PLEKHA4: variants seen among roughly 807,000 people sequenced by gnomAD.
PLEKHA4 encodes the protein pleckstrin homology domain-containing family A member 4.
A neutral mutation model predicts 94.7 loss-of-function variants in PLEKHA4; 73 were observed. The observed-to-expected ratio is 0.77, with a 90% CI of 0.64 to 0.94. The LOEUF (loss-of-function observed/expected upper bound fraction) is 0.94. PLEKHA4 is among the 40% of genes least tolerant of loss of function. The pLI is 0.00. For synonymous variants in PLEKHA4, 449 were observed against 437.1 expected, an observed-to-expected ratio of 1.03 and a Z score of -0.34; for missense variants, 1,049 against 1,054.1, an observed-to-expected ratio of 1.00 and a Z score of 0.07.
At chr19:48,845,346 T>C (rs755781172) in intron 16 of PLEKHA4, 24 bp downstream of exon 16, 1 of 1,607,558 alleles carries the variant, frequency 6.2e-7, no homozygotes, top group Non-Finnish European at 8.5e-7. Context: ...GATGCAAGGA[T>C]TACAGGATGG....
At chr19:48,854,140 G>C (rs2036312086) in intron 10 of PLEKHA4, 53 bp from the exon 11 acceptor site, 2 of 1,612,760 alleles carry the variant, frequency 1.2e-6, no homozygotes, top group African/African-American at 1.3e-5. Context: ...CTCTTCCCCT[G>C]CCGCTCCTCC....
intron 9 of PLEKHA4, among the ~76,000 whole-genome samples, 187 bp from the exon 10 acceptor site, chr19:48,854,451 C>T (rs1010169870): frequency 6.6e-6 from 1 of 152,112 alleles, no homozygotes; most frequent in African/African-American, 2.4e-5. Flanking sequence ...TCGCTGCAGG[C>T]TCAACCTCCT....
At chr19:48,845,487 C>A in intron 15 of PLEKHA4, 30 bp downstream of exon 15, 1 of 1,613,510 alleles carries the variant, frequency 6.2e-7, no homozygotes, top group Non-Finnish European at 8.5e-7. Context: ...CGGGAATTTC[C>A]GTAAAGTCCC....
chr19:48,867,432 G>A lies in PLEKHA4; in HGVS notation c.84+105C>T, dbSNP rs2036870597. The A allele has an allele frequency of 1.4e-5, 19 of 1,339,144 alleles. No individual in the cohort carries two copies. Among genetic ancestry groups the A allele is most frequent in the South Asian group, 6.6e-5 (5 of 75,998 alleles). The allele number at this position is 1,339,144 out of a possible 1,614,324, so 83.0% of individuals were successfully genotyped here. A position where few individuals can be genotyped will look rare whatever the true frequency, so the allele number is the denominator to read the frequency against. Reference sequence around the variant, plus strand: ...GACCTTACTATGTCTGGCAGACCCCGTTGCTAAGGATCTTTGTCCTTAACA... The same window carrying A: ...GACCTTACTATGTCTGGCAGACCCCATTGCTAAGGATCTTTGTCCTTAACA... On this transcript the variant is annotated intron_variant, in intron 2 of 19. Coordinates refer to ENST00000263265, the MANE Select transcript of PLEKHA4 (RefSeq NM_020904.3). This position sits in a 1 kb window ranked among gnomAD's most constrained non-coding sequence, Gnocchi z 4.7.
chr19:48,852,859 G>C (rs2036252992), intron 12 of PLEKHA4, among the ~76,000 whole-genome samples: 2 of 149,276 alleles, frequency 1.3e-5, no homozygotes, highest in South Asian at 2.1e-4. Context: ...CTTGAACCAG[G>C]GAGACAGAAG....
intron 8 of PLEKHA4, 116 bp downstream of exon 8, chr19:48,858,744 T>A (rs17206714): frequency 0.14 from 170,930 of 1,179,532 alleles, 14,506 homozygotes; most frequent in Non-Finnish European, 0.17. Flanking sequence ...CCAGCTGAGA[T>A]CATTATGGAC....
At chr19:48,859,872 A>G (rs941835320) in intron 6 of PLEKHA4, 188 bp from the exon 7 acceptor site, 1 of 633,260 alleles carries the variant, frequency 1.6e-6, no homozygotes, top group Non-Finnish European at 2.8e-6. Context: ...CCAGGCCACA[A>G]CGTCTATCCA....
In PLEKHA4 at chr19:48,841,302, C is replaced by T. The variant is rs778978626; in HGVS notation, c.1752G>A (p.Val584=). Residue 584 remains valine, a synonymous_variant, in exon 17 of 20, where the codon GTG becomes GTA. Coordinates refer to ENST00000263265, the MANE Select transcript of PLEKHA4 (RefSeq NM_020904.3). ...PSPQLGTKAP[V]ARPRMSAQEQ... is the part of the protein sequence containing the mutation. ...CCTGGGCACTCATCCGGGGCCGGGC[C>T]ACCGGGGCCTAGGGAGGCGAGAAAC... The T allele has an allele frequency of 6.2e-7, 1 of 1,609,710 alleles. No homozygotes were observed. The highest frequency in any genetic ancestry group is 8.5e-7 in the Non-Finnish European group (1 of 1,178,064).
intron 6 of PLEKHA4, chr19:48,859,953 T>G: frequency 1.7e-6 from 1 of 577,426 alleles, no homozygotes; most frequent in Non-Finnish European, 3.0e-6. Context: ...GCCTGATAAT[T>G]GGCGCAGGCC....
In PLEKHA4 at chr19:48,841,287, C is replaced by T. The variant is rs766708497; in HGVS notation, c.1767G>A (p.Met589Ile). 3.1e-6 allele frequency: 5 copies of T among 1,611,994 alleles called. No individual in the cohort carries two copies. In the South Asian group the frequency reaches 3.3e-5, roughly 11 times the overall value. The change falls in exon 17 of 20, where the codon ATG (methionine) becomes ATA (isoleucine). Residue 589 changes from methionine to isoleucine, a missense_variant. Physicochemically the swap from Met to Ile is conservative, Grantham distance 10. Transcript: ENST00000263265. ...TCCGCTCCAGCTGCTCCTGGGCACT[C>T]ATCCGGGGCCGGGCCACCGGGGCCT... ...GTKAPVARPR[M>I]SAQEQLERMR...
chr19:48,850,202 T>A (rs983413639), intron 13 of PLEKHA4, among the ~76,000 whole-genome samples: 6 of 143,918 alleles, frequency 4.2e-5, no homozygotes, highest in Non-Finnish European at 7.5e-5. Flanking sequence ...CAAGACTCCA[T>A]CTCATAAATA....
intron 13 of PLEKHA4, among the ~76,000 whole-genome samples, chr19:48,849,950 T>A (rs934065716): frequency 6.6e-6 from 1 of 152,120 alleles, no homozygotes; most frequent in African/African-American, 2.4e-5. Flanking sequence ...CAGTAGCTCA[T>A]GCCTATAATC....
intron 5 of PLEKHA4, 21 bp downstream of exon 5, chr19:48,861,380 A>G: frequency 6.2e-7 from 1 of 1,602,896 alleles, no homozygotes; most frequent in Non-Finnish European, 8.5e-7. Flanking sequence ...CCTGGTGCAC[A>G]ACATGGATGG....
chr19:48,865,674 G>T (rs1379580366), intron 2 of PLEKHA4, 64 bp from the exon 3 acceptor site: 1 of 1,133,008 alleles, frequency 8.8e-7, no homozygotes, highest in Non-Finnish European at 1.3e-6. Flanking sequence ...AGGGGGTGAG[G>T]GTGGACACAG....
At chr19:48,841,395 G>A (rs2035763031) in intron 16 of PLEKHA4, 85 bp from the exon 17 acceptor site, 5 of 1,391,222 alleles carry the variant, frequency 3.6e-6, no homozygotes, top group African/African-American at 1.4e-5. Flanking sequence ...GGGAGGCTGA[G>A]TAGAGAGGAT....
chr19:48,851,788 A>G (rs1023339027), intron 13 of PLEKHA4, among the ~76,000 whole-genome samples: 2 of 151,164 alleles, frequency 1.3e-5, no homozygotes, highest in Non-Finnish European at 3.0e-5. Context: ...TACTAAAAAT[A>G]TAAAAAGTAG....
intron 12 of PLEKHA4, 74 bp downstream of exon 12, chr19:48,853,608 G>A (rs1193714630): frequency 1.5e-6 from 2 of 1,377,478 alleles, no homozygotes; most frequent in East Asian, 5.3e-5. Context: ...AGCCCTCTGG[G>A]GCAGGTCCCC....
chr19:48,839,820 C>A (rs1041441350), intron 17 of PLEKHA4, among the ~76,000 whole-genome samples: 4 of 151,580 alleles, frequency 2.6e-5, no homozygotes, highest in African/African-American at 9.7e-5. Flanking sequence ...TCTAAGGGGC[C>A]GGGTCTGGTG....
chr19:48,858,425 G>A lies in PLEKHA4; in HGVS notation c.972+435C>T, dbSNP rs553108297. 3.3e-5 allele frequency among the ~76,000 whole-genome samples: 5 copies of A among 152,050 alleles called. No individual in the cohort carries two copies. The South Asian group carries it at 8.3e-4, about 25-fold the overall frequency. On this transcript the variant is annotated intron_variant, in intron 8 of 19. Coordinates refer to ENST00000263265, the MANE Select transcript of PLEKHA4 (RefSeq NM_020904.3). ...TCACCTGTCAGCTGGTCAGGAGTTCGAGACCAGCTTGGTCAACATGGTGAA... is the reference window on the plus strand; with the variant it reads ...TCACCTGTCAGCTGGTCAGGAGTTCAAGACCAGCTTGGTCAACATGGTGAA...
Sources: allele counts gnomAD v4.1 joint callset (sites outside exome capture counted in the v4.1 genomes callset), GRCh38; gene constraint gnomAD v4.1.1; non-coding constraint Gnocchi (gnomAD v3.1); transcripts MANE v1.5; gene names NCBI Gene and HGNC (gene_info 2026-07-23, HGNC 2026-07-21).